SNX14: variants seen among roughly 807,000 people sequenced by gnomAD.
SNX14 encodes sorting nexin-14.
Under a neutral mutation model 133.8 loss-of-function variants are expected in SNX14, and 93 were observed. That is an observed-to-expected ratio of 0.70 (90% CI 0.59 to 0.83). The LOEUF (loss-of-function observed/expected upper bound fraction) is 0.83. Ranked by LOEUF, SNX14 falls within the 40% of genes least tolerant of loss-of-function variation. SNX14 has a pLI of 0.00. For synonymous variants in SNX14, 368 were observed against 365.6 expected, an observed-to-expected ratio of 1.01 and a Z score of -0.07; for missense variants, 945 against 1,094.9, an observed-to-expected ratio of 0.86 and a Z score of 1.93.
chr6:85,545,092 C>T (rs992815234), intron 12 of SNX14, among the ~76,000 whole-genome samples: 1 of 152,016 alleles, frequency 6.6e-6, no homozygotes, highest in South Asian at 2.1e-4. Flanking sequence ...TTACACTGCT[C>T]CTGAAGCAGT....
chr6:85,590,037 G>C (rs951701130), intron 1 of SNX14, among the ~76,000 whole-genome samples: 8 of 152,178 alleles, frequency 5.3e-5, no homozygotes, highest in Admixed American at 5.2e-4. Flanking sequence ...GTTCTGGGTG[G>C]CCAGGGGCAT....
intron 21 of SNX14, among the ~76,000 whole-genome samples, chr6:85,524,352 A>G (rs9344532): frequency 0.74 from 112,051 of 152,152 alleles, 42,643 homozygotes; most frequent in African/African-American, 0.92. Context: ...GTGTAGGATG[A>G]AAATGTAGTG....
At chr6:85,552,106 G>A (rs1788029540) in intron 7 of SNX14, among the ~76,000 whole-genome samples, 2 of 142,038 alleles carry the variant, frequency 1.4e-5, no homozygotes, top group South Asian at 4.5e-4. Flanking sequence ...GCGGGATCTC[G>A]GCTCACTGCA....
chr6:85,541,330 T>C (rs1473605729), intron 15 of SNX14, among the ~76,000 whole-genome samples: 1 of 152,208 alleles, frequency 6.6e-6, no homozygotes, highest in Non-Finnish European at 1.5e-5. Flanking sequence ...AATAGCTTTG[T>C]TGATTTGCTA....
chr6:85,523,663 G>T (rs958826920), intron 21 of SNX14, among the ~76,000 whole-genome samples: 2 of 152,238 alleles, frequency 1.3e-5, no homozygotes, highest in South Asian at 4.1e-4. Flanking sequence ...TTCTCAGGAG[G>T]CTGAGGTGGG....
intron 19 of SNX14, among the ~76,000 whole-genome samples, chr6:85,529,950 C>T (rs1779705013): frequency 6.6e-6 from 1 of 151,866 alleles, no homozygotes; most frequent in South Asian, 2.1e-4. Flanking sequence ...TTTAAAATAG[C>T]TATTTTTAAA....
intron 23 of SNX14, among the ~76,000 whole-genome samples, chr6:85,515,262 C>CAAAAAAAAA (rs751549621): frequency 8.8e-5 from 2 of 22,768 alleles, no homozygotes; most frequent in Non-Finnish European, 1.9e-4. Context: ...GCAAGACCGT[C>CAAAAAAAAA]AAAAAAAAAA....
At chr6:85,545,499 A>G (rs970435699) in intron 12 of SNX14, among the ~76,000 whole-genome samples, 1 of 152,218 alleles carries the variant, frequency 6.6e-6, no homozygotes, top group African/African-American at 2.4e-5. Flanking sequence ...CTATATTAAC[A>G]TCAGACAAAG....
intron 4 of SNX14, 43 bp downstream of exon 4, chr6:85,572,094 G>T: frequency 6.6e-7 from 1 of 1,510,572 alleles, no homozygotes; most frequent in Non-Finnish European, 9.0e-7. Flanking sequence ...TTTTCCACAG[G>T]CATTTAACAT....
In SNX14 at chr6:85,572,370, A is replaced by T. The variant is rs752089290; in HGVS notation, c.266T>A (p.Leu89Ter). 10 of 1,610,356 alleles carry T rather than the reference A, an allele frequency of 6.2e-6. No homozygotes were observed. The highest frequency in any genetic ancestry group is 8.5e-6 in the Non-Finnish European group (10 of 1,178,882). Residue 89 changes from leucine to a stop codon, truncating the protein, a stop_gained, in exon 3 of 29, where the codon TTA (leucine) becomes TAA (stop). Transcript: ENST00000314673. LOFTEE classifies it high-confidence loss of function. The part of the protein sequence containing the change: ...FFTIKYKPKQ[L>*]GLQELFPQGH... ...TTGAGGAAATAATTCCTGAAGTCCT[A>T]ACTGCTAAAAAAGGAAAATGAGAGG...
chr6:85,535,312 G>A lies in SNX14; in HGVS notation c.1608+1480C>T, dbSNP rs1335757436. Among the ~76,000 whole-genome samples the A allele has an allele frequency of 2.6e-5, 4 of 151,430 alleles. No homozygotes were observed. The East Asian group carries it at 7.9e-4, about 30-fold the overall frequency. The stretch of plus-strand genomic sequence containing the variant: ...TTACAAATATGAGCCACCACACCCA[G>A]CATAAAACTACCCACACCAAGGCTG... On this transcript the variant is annotated intron_variant, in intron 17 of 28. Transcript: ENST00000314673.
chr6:85,558,397 A>AT (rs1384340967), intron 6 of SNX14, among the ~76,000 whole-genome samples: 2 of 152,184 alleles, frequency 1.3e-5, no homozygotes, highest in Non-Finnish European at 2.9e-5. Context: ...TACATTTGTG[A>AT]TTAGTAAGAA....
chr6:85,508,491 G>A (rs1771560074), intron 26 of SNX14: 3 of 580,184 alleles, frequency 5.2e-6, no homozygotes, highest in Non-Finnish European at 6.5e-6. Context: ...AGGATAAGCC[G>A]ACTTCTACCC....
At chr6:85,518,959 T>C (rs1336663362) in intron 21 of SNX14, among the ~76,000 whole-genome samples, 1 of 152,236 alleles carries the variant, frequency 6.6e-6, no homozygotes, top group African/African-American at 2.4e-5. Flanking sequence ...TCCTGGACTC[T>C]CCTGCTTTAT....
chr6:85,514,085 T>C lies in SNX14; in HGVS notation c.2542A>G (p.Ile848Val). ...LFQEHRLVSL[I>V]TLLRDAIFCE... Reference sequence around the variant, plus strand: ...AAATACAAACCTCTGAGAAGTGTTATGAGTGAGACCAAACGGTGCTCCTGA... The same window carrying C: ...AAATACAAACCTCTGAGAAGTGTTACGAGTGAGACCAAACGGTGCTCCTGA... Residue 848 changes from isoleucine (I) to valine (V), a missense_variant, in exon 25 of 29, where the codon ATA (isoleucine) becomes GTA (valine). This residue lies in a region of SNX14 where 412 missense variants were observed against 516.6 expected (regional missense o/e 0.80). Transcript: ENST00000314673. The C allele has an allele frequency of 6.2e-7, 1 of 1,612,144 alleles. No individual in the cohort carries two copies. The highest frequency in any genetic ancestry group is 8.5e-7 in the Non-Finnish European group (1 of 1,179,474).
In SNX14 at chr6:85,526,241, G is replaced by C; in HGVS notation, c.1996-4C>G. 1 of 1,568,076 alleles carries C rather than the reference G, an allele frequency of 6.4e-7. No individual in the cohort carries two copies. Among genetic ancestry groups the C allele is most frequent in the Non-Finnish European group, 8.7e-7 (1 of 1,156,036 alleles). Reference sequence around the variant, plus strand: ...GTTCTGGATGCTGCAGAAGTTTCTTGAATGAACAAAAAAAACGGAAAACAC... The same window carrying C: ...GTTCTGGATGCTGCAGAAGTTTCTTCAATGAACAAAAAAAACGGAAAACAC... On this transcript the variant is annotated splice_region_variant and splice_polypyrimidine_tract_variant and intron_variant, in intron 20 of 28. Coordinates refer to ENST00000314673, the MANE Select transcript of SNX14 (RefSeq NM_153816.6).
intron 19 of SNX14, 55 bp from the exon 20 acceptor site, chr6:85,528,417 C>T (rs1779156232): frequency 3.6e-6 from 5 of 1,394,004 alleles, no homozygotes; most frequent in Non-Finnish European, 4.9e-6. Flanking sequence ...TTTTTAAAAC[C>T]TTAAATTAGG....
rs766320653 is a variant in SNX14, at chr6:85,565,374, T to C, written c.507A>G (p.Thr169=). The change falls in exon 6 of 29, where the codon ACA becomes ACG. Residue 169 remains threonine (T), a synonymous_variant. Coordinates refer to ENST00000314673, the MANE Select transcript of SNX14 (RefSeq NM_153816.6). ...DESFVDELRI[T]LRFFASVLIR... Reference sequence around the variant, plus strand: ...TTAAGACAGATGCAAAAAAACGTAATGTTATTCTCAGTTCATCAACAAAGG... The same window carrying C: ...TTAAGACAGATGCAAAAAAACGTAACGTTATTCTCAGTTCATCAACAAAGG... 4 of 1,604,330 alleles carry C rather than the reference T, an allele frequency of 2.5e-6. No individual in the cohort carries two copies. Among genetic ancestry groups the C allele is most frequent in the Middle Eastern group, 1.7e-4 (1 of 6,032 alleles).
At chr6:85,563,358 C>T (rs1028059761) in intron 6 of SNX14, among the ~76,000 whole-genome samples, 3 of 152,060 alleles carry the variant, frequency 2.0e-5, no homozygotes, top group African/African-American at 7.2e-5. Flanking sequence ...GGCAATGATA[C>T]AAATATGCAC....
Sources: gnomAD v4.1 joint callset for allele counts (sites outside exome capture counted in the v4.1 genomes callset) on GRCh38, gnomAD v4.1.1 for gene constraint, gnomAD v4.1.1 regional missense constraint, MANE v1.5 for transcripts, NCBI Gene and HGNC (gene_info 2026-07-23, HGNC 2026-07-21) for gene names.